Variants in AKIRIN2 observed in about 807,000 individuals in gnomAD.
AKIRIN2 encodes akirin 2, also known as akirin-2.
AKIRIN2 carries 6 observed loss-of-function variants against 29.3 expected under a neutral mutation model. The ratio of observed to expected loss-of-function variants is 0.20; its 90% CI spans 0.11 to 0.40. The LOEUF (loss-of-function observed/expected upper bound fraction) is 0.40, where lower values mean the gene tolerates loss of function less well. Ranked by LOEUF, AKIRIN2 falls within the 10% of genes least tolerant of loss-of-function variation. The probability of loss-of-function intolerance (pLI) is 1.00; values close to 1 mark genes in which losing one functional copy is unlikely to be tolerated. For missense variants in AKIRIN2, 210 were observed against 276.1 expected, an observed-to-expected ratio of 0.76 and a Z score of 1.70; for synonymous variants, 128 against 117.5, an observed-to-expected ratio of 1.09 and a Z score of -0.58.
intron 1 of AKIRIN2, among the ~76,000 whole-genome samples, chr6:87,688,453 A>T (rs962966702): frequency 6.7e-6 from 1 of 149,276 alleles, no homozygotes; most frequent in Admixed American, 6.7e-5. Flanking sequence ...TAAAAAAATA[A>T]AAAAAAAAAA....
chr6:87,675,958 C>T (rs1482730220), intron 3 of AKIRIN2, 27 bp from the exon 4 acceptor site: 1 of 1,586,482 alleles, frequency 6.3e-7, no homozygotes, highest in Admixed American at 1.8e-5. Context: ...TTGTCAATTA[C>T]ATTTGTAAAA....
chr6:87,678,028 T>C, intron 2 of AKIRIN2, 61 bp from the exon 3 acceptor site: 1 of 1,460,664 alleles, frequency 6.8e-7, no homozygotes, highest in South Asian at 1.4e-5. Context: ...AAGCAGTTTC[T>C]AAATGAAGAG....
rs568557136 is a variant in AKIRIN2 at position 87,688,906 on chromosome 6, G to C, written c.236-7143C>G. Reference sequence around the variant, plus strand: ...ACCACAGCCACAGGGCCAATGTAATGTGTATTTACCTGCAGGGTTTTAACA... The same window carrying C: ...ACCACAGCCACAGGGCCAATGTAATCTGTATTTACCTGCAGGGTTTTAACA... On this transcript the variant is annotated intron_variant, in intron 1 of 4. Transcript: ENST00000257787. Among the ~76,000 whole-genome samples the C allele has an allele frequency of 3.3e-4, 51 of 152,314 alleles. 2 individuals are homozygous for C. In the South Asian group the frequency reaches 9.7e-3, roughly 29 times the overall value.
intron 1 of AKIRIN2, among the ~76,000 whole-genome samples, chr6:87,693,354 T>C (rs1383349911): frequency 6.6e-6 from 1 of 152,134 alleles, no homozygotes; most frequent in East Asian, 1.9e-4. Context: ...GAAATGTATA[T>C]AAGGGATGCT....
In AKIRIN2 at chr6:87,674,942, A is replaced by C. The variant is rs1303832037; in HGVS notation, c.*655T>G. The C allele has an allele frequency of 6.6e-6, 1 of 151,502 alleles. No homozygotes were observed. Among genetic ancestry groups the C allele is most frequent in the African/African-American group, 2.4e-5 (1 of 41,242 alleles). The allele number at this position is 151,502 out of a possible 1,614,324, so 9.4% of individuals were successfully genotyped here. Reference sequence around the variant, plus strand: ...CAAGCAAAATAGAAGTAAATGTTTTATTCTTCCAACTAAATTCCAGTACTA... The same window carrying C: ...CAAGCAAAATAGAAGTAAATGTTTTCTTCTTCCAACTAAATTCCAGTACTA... On this transcript the variant is annotated 3_prime_UTR_variant, in exon 5 of 5. Transcript: ENST00000257787.
At chr6:87,700,333 G>T (rs1343862669) in intron 1 of AKIRIN2, among the ~76,000 whole-genome samples, 2 of 151,428 alleles carry the variant, frequency 1.3e-5, no homozygotes, top group Non-Finnish European at 2.9e-5. Context: ...ATATACTTCG[G>T]TTTTTTAAGC....
At position 87,677,802 on chromosome 6, in the gene AKIRIN2, T is replaced by C. The variant is rs748682474; in HGVS notation, c.529+16A>G. Reference sequence around the variant, plus strand: ...CAACTGAGTTCCTCAGAAACTCTAATAAACACACCTCATACCTGCAAGTTT... The same window carrying C: ...CAACTGAGTTCCTCAGAAACTCTAACAAACACACCTCATACCTGCAAGTTT... On this transcript the variant is annotated intron_variant, in intron 3 of 4. Coordinates refer to ENST00000257787, the MANE Select transcript of AKIRIN2 (RefSeq NM_018064.4). 1 of 1,609,994 alleles carries C rather than the reference T, an allele frequency of 6.2e-7. No homozygotes were observed. The highest frequency in any genetic ancestry group is 1.7e-5 in the Admixed American group (1 of 59,534).
chr6:87,686,774 G>A (rs1450920445), intron 1 of AKIRIN2, among the ~76,000 whole-genome samples: 2 of 152,020 alleles, frequency 1.3e-5, no homozygotes, highest in Admixed American at 6.6e-5. Context: ...GGCCGGGCGC[G>A]GTAGTTCATG....
In AKIRIN2 at chr6:87,702,167, G is replaced by A. The variant is rs977544827; in HGVS notation, c.-483C>T. Reference sequence around the variant, plus strand: ...GCGGCGATCGATGCAGAGAGATTGCGAGGTAGCTGCCGCAGCAGGAACCCA... The same window carrying A: ...GCGGCGATCGATGCAGAGAGATTGCAAGGTAGCTGCCGCAGCAGGAACCCA... On this transcript the variant is annotated 5_prime_UTR_variant, in exon 1 of 5. Coordinates refer to ENST00000257787, the MANE Select transcript of AKIRIN2 (RefSeq NM_018064.4). The A allele has an allele frequency of 1.0e-5, 4 of 398,442 alleles. No individual in the cohort carries two copies. The highest frequency in any genetic ancestry group is 1.3e-4 in the South Asian group (1 of 7,866). 24.7% of individuals were successfully genotyped at this position (398,442 alleles called of 1,614,324 possible).
At chr6:87,691,164 C>G (rs1006513001) in intron 1 of AKIRIN2, among the ~76,000 whole-genome samples, 13 of 152,038 alleles carry the variant, frequency 8.6e-5, no homozygotes, top group African/African-American at 2.9e-4. Flanking sequence ...CCAAATTAGG[C>G]TGGGCGTGGT....
intron 3 of AKIRIN2, among the ~76,000 whole-genome samples, chr6:87,676,616 C>CACACACACACACACACAT (rs1771002223): frequency 1.3e-5 from 2 of 148,600 alleles, no homozygotes; most frequent in South Asian, 4.2e-4. Context: ...CACACACACA[C>CACACACACACACACACAT]ACACACACAC....
intron 1 of AKIRIN2, among the ~76,000 whole-genome samples, chr6:87,686,988 G>A (rs1444027696): frequency 2.0e-5 from 3 of 147,064 alleles, no homozygotes; most frequent in Non-Finnish European, 4.4e-5. Flanking sequence ...GAAGGTTGCA[G>A]TGAACCGAGA....
intron 1 of AKIRIN2, among the ~76,000 whole-genome samples, chr6:87,694,217 A>C (rs1371615016): frequency 6.6e-6 from 1 of 152,238 alleles, no homozygotes; most frequent in East Asian, 1.9e-4. Context: ...AATACACATC[A>C]TATACTGACA....
intron 1 of AKIRIN2, among the ~76,000 whole-genome samples, chr6:87,689,818 C>A (rs754978243): frequency 6.6e-6 from 1 of 152,280 alleles, no homozygotes; most frequent in South Asian, 2.1e-4. Context: ...GTGATGCTGC[C>A]GGTCAGGACT....
At chr6:87,688,680 G>T (rs980478711) in intron 1 of AKIRIN2, among the ~76,000 whole-genome samples, 1 of 152,120 alleles carries the variant, frequency 6.6e-6, no homozygotes, top group Non-Finnish European at 1.5e-5. Context: ...AACCCGGGGG[G>T]AGGTGGAGGT....
chr6:87,691,675 T>C (rs910462231), intron 1 of AKIRIN2, among the ~76,000 whole-genome samples: 14 of 150,976 alleles, frequency 9.3e-5, no homozygotes, highest in East Asian at 1.9e-4. Flanking sequence ...AGCTAGGGAG[T>C]AGAGGGAAAT....
At chr6:87,697,308 A>AG (rs1491330348) in intron 1 of AKIRIN2, among the ~76,000 whole-genome samples, 1,444 of 117,620 alleles carry the variant, frequency 0.012, 10 homozygotes, top group Non-Finnish European at 0.016. Flanking sequence ...TTGTCTCAAG[A>AG]AAAAAAAAAA....
chr6:87,701,257 A>G (rs1201552482), intron 1 of AKIRIN2, among the ~76,000 whole-genome samples, 193 bp downstream of exon 1: 2 of 152,104 alleles, frequency 1.3e-5, no homozygotes, highest in Non-Finnish European at 2.9e-5. Context: ...CCTTGACATC[A>G]GCCCATTTCT....
intron 2 of AKIRIN2, among the ~76,000 whole-genome samples, 159 bp from the exon 3 acceptor site, chr6:87,678,126 AAAT>A (rs1313064322): frequency 6.6e-6 from 1 of 152,246 alleles, no homozygotes; most frequent in Non-Finnish European, 1.5e-5. Flanking sequence ...AAAACAACCA[AAAT>A]AATAATTCCA....
Sources: gnomAD v4.1 joint callset for allele counts (sites outside exome capture counted in the v4.1 genomes callset) on GRCh38, gnomAD v4.1.1 for gene constraint, MANE v1.5 for transcripts, NCBI Gene and HGNC (gene_info 2026-07-23, HGNC 2026-07-21) for gene names.